SCUBE1: variants seen among roughly 807,000 people sequenced by gnomAD.
The protein encoded by SCUBE1 is signal peptide, CUB domain and EGF like domain containing 1, also known as signal peptide, CUB and EGF-like domain-containing protein 1.
A neutral mutation model predicts 124.4 loss-of-function variants in SCUBE1; 59 were observed. The ratio of observed to expected loss-of-function variants is 0.47; its 90% CI spans 0.38 to 0.59. SCUBE1 has a LOEUF of 0.59. SCUBE1 is among the 20% of genes least tolerant of loss of function. SCUBE1 has a pLI of 0.00. For missense variants in SCUBE1, 1,150 were observed against 1,371.2 expected (o/e 0.84, Z 2.55); for synonymous variants, 545 against 550.9 (o/e 0.99, Z 0.15).
At chr22:43,274,948 T>A (rs898471371) in intron 4 of SCUBE1, among the ~76,000 whole-genome samples, 1 of 151,834 alleles carries the variant, frequency 6.6e-6, no homozygotes, top group African/African-American at 2.4e-5. Context: ...CATCGGCAGG[T>A]ACAGCCACTT....
chr22:43,317,283 G>A (rs943050649), intron 3 of SCUBE1, among the ~76,000 whole-genome samples: 6 of 152,170 alleles, frequency 3.9e-5, no homozygotes, highest in Non-Finnish European at 8.8e-5. Flanking sequence ...CCTAATAGGG[G>A]CTAGTCACTT....
At chr22:43,295,885 C>T (rs1398306518) in intron 3 of SCUBE1, among the ~76,000 whole-genome samples, 2 of 152,188 alleles carry the variant, frequency 1.3e-5, no homozygotes, top group African/African-American at 4.8e-5. Flanking sequence ...CTGGAAGAGG[C>T]GAAGTACAAG....
chr22:43,256,182 C>T (rs749916858), intron 6 of SCUBE1, among the ~76,000 whole-genome samples: 13 of 152,188 alleles, frequency 8.5e-5, no homozygotes, highest in Non-Finnish European at 1.9e-4. Flanking sequence ...AGAAAAACCA[C>T]GGGATCGATT....
At chr22:43,290,217 C>G (rs986889421) in intron 4 of SCUBE1, among the ~76,000 whole-genome samples, 1 of 152,148 alleles carries the variant, frequency 6.6e-6, no homozygotes, top group Admixed American at 6.5e-5. Flanking sequence ...CCCCTCTCCT[C>G]CAAGCACATG....
chr22:43,339,743 A>C (rs13053727), intron 1 of SCUBE1, among the ~76,000 whole-genome samples: 433 of 20,872 alleles, frequency 0.021, 22 homozygotes, highest in African/African-American at 0.056. Flanking sequence ...CCACAAGCAT[A>C]GCTCCAACCC....
At chr22:43,338,199 T>G (rs1927148017) in intron 2 of SCUBE1, among the ~76,000 whole-genome samples, 1 of 152,202 alleles carries the variant, frequency 6.6e-6, no homozygotes, top group African/African-American at 2.4e-5. Context: ...CCAATGGGCT[T>G]GCAGAGTCCT....
chr22:43,336,508 A>T (rs12157882), intron 2 of SCUBE1, among the ~76,000 whole-genome samples: 5 of 152,150 alleles, frequency 3.3e-5, no homozygotes, highest in African/African-American at 1.2e-4. Flanking sequence ...CACGGCTACA[A>T]ATGTAAAAGA....
At chr22:43,323,607 T>C (rs1017568518) in intron 2 of SCUBE1, among the ~76,000 whole-genome samples, 1 of 151,450 alleles carries the variant, frequency 6.6e-6, no homozygotes, top group African/African-American at 2.4e-5. Flanking sequence ...CATCCATCCA[T>C]CCATCCATCC....
rs1569010757 is a variant in SCUBE1, at chr22:43,281,483, TCTTTGGCCACCCTCCTG to T, written c.484+9546_484+9562del. ...CTCAGCCACCCTCCTGTCACCTCCC[TCTTTGGCCACCCTCCTG>T]TCACCTCCTCCTCAGCCACCCTCCT... On this transcript the variant is annotated intron_variant, in intron 4 of 21. Transcript: ENST00000360835. Among the ~76,000 whole-genome samples, 19 of 58,874 alleles carry T rather than the reference TCTTTGGCCACCCTCCTG, an allele frequency of 3.2e-4. 2 individuals carry two copies. Among genetic ancestry groups the T allele is most frequent in the Admixed American group, 1.6e-3 (10 of 6,198 alleles). The allele number at this position is 58,874 out of a possible 152,430, so 38.6% of individuals were successfully genotyped here. A position where few individuals can be genotyped will look rare whatever the true frequency, so the allele number is the denominator to read the frequency against.
chr22:43,309,409 G>A (rs2146773007), intron 3 of SCUBE1, among the ~76,000 whole-genome samples: 2 of 152,302 alleles, frequency 1.3e-5, no homozygotes, highest in Middle Eastern at 3.4e-3. Flanking sequence ...TTCAAAGCCA[G>A]GCAGATCGAT....
intron 4 of SCUBE1, among the ~76,000 whole-genome samples, chr22:43,273,973 G>A (rs1924395730): frequency 2.0e-5 from 3 of 152,080 alleles, no homozygotes; most frequent in South Asian, 2.1e-4. Flanking sequence ...AGGCTGGCCC[G>A]CTCCCTCTCC....
chr22:43,243,499 G>T (rs746090904), intron 6 of SCUBE1, among the ~76,000 whole-genome samples: 6 of 152,256 alleles, frequency 3.9e-5, no homozygotes, highest in African/African-American at 1.2e-4. Flanking sequence ...GCCTGCCAGC[G>T]CTCTGACAGA....
chr22:43,218,605 C>A lies in SCUBE1; in HGVS notation c.1688-147G>T, dbSNP rs1921944170. 3.8e-6 allele frequency: 3 copies of A among 795,384 alleles called. No individual in the cohort carries two copies. In the South Asian group the frequency reaches 5.1e-5, roughly 13 times the overall value. 49.3% of individuals were successfully genotyped at this position (795,384 alleles called of 1,614,324 possible). A position where few individuals can be genotyped will look rare whatever the true frequency, so the allele number is the denominator to read the frequency against. ...ACAACAGTCCTGGGGCAAGGGGCCA[C>A]TGTCATGCCCATCTGACAGATGAGG... On this transcript the variant is annotated intron_variant, in intron 14 of 21. Transcript: ENST00000360835.
intron 2 of SCUBE1, among the ~76,000 whole-genome samples, chr22:43,330,197 G>A (rs112211170): frequency 6.6e-5 from 10 of 152,156 alleles, no homozygotes; most frequent in Non-Finnish European, 1.3e-4. Context: ...CCATGTGATG[G>A]ATGAGGAAAC....
At chr22:43,219,426 A>C (rs573223130) in intron 14 of SCUBE1, among the ~76,000 whole-genome samples, 5 of 152,040 alleles carry the variant, frequency 3.3e-5, no homozygotes, top group Non-Finnish European at 5.9e-5. Flanking sequence ...TTTCCTGATA[A>C]ATTATGCAGC....
At chr22:43,239,417 G>A (rs1281567978) in intron 6 of SCUBE1, among the ~76,000 whole-genome samples, 1 of 152,268 alleles carries the variant, frequency 6.6e-6, no homozygotes, top group African/African-American at 2.4e-5. Context: ...TTGTGGCCCC[G>A]GCCAGGGAGC....
chr22:43,284,362 T>C (rs570985551), intron 4 of SCUBE1, among the ~76,000 whole-genome samples: 5 of 152,334 alleles, frequency 3.3e-5, no homozygotes, highest in Admixed American at 3.3e-4. Context: ...TACCACAAGA[T>C]GTCTTTTGAA....
At chr22:43,290,970 G>C in intron 4 of SCUBE1, 76 bp downstream of exon 4, 1 of 1,444,772 alleles carries the variant, frequency 6.9e-7, no homozygotes, top group Non-Finnish European at 9.2e-7. Flanking sequence ...CCCCAGAATT[G>C]AGATGTGGAG....
chr22:43,272,960 A>G (rs1924349764), intron 4 of SCUBE1, among the ~76,000 whole-genome samples: 1 of 152,174 alleles, frequency 6.6e-6, no homozygotes, highest in African/African-American at 2.4e-5. Flanking sequence ...GCAGCCTCCC[A>G]CTTTCGGTCA....
Sources: allele counts gnomAD v4.1 joint callset (sites outside exome capture counted in the v4.1 genomes callset), GRCh38; gene constraint gnomAD v4.1.1; transcripts MANE v1.5; gene names NCBI Gene and HGNC (gene_info 2026-07-23, HGNC 2026-07-21).